AK4: variants seen among roughly 807,000 people sequenced by gnomAD.
The protein encoded by AK4 is adenylate kinase 4.
A neutral mutation model predicts 24.6 loss-of-function variants in AK4; 13 were observed. That is an observed-to-expected ratio of 0.53 (90% CI 0.34 to 0.84). AK4 has a LOEUF of 0.84. Among genes scored for constraint, AK4 ranks in the 40% least tolerant of loss-of-function variants. AK4 has a pLI of 0.01. For synonymous variants in AK4, 88 were observed against 107.0 expected, an observed-to-expected ratio of 0.82 and a Z score of 1.10; for missense variants, 192 against 288.2, an observed-to-expected ratio of 0.67 and a Z score of 2.42.
chr1:65,223,307 G>A (rs1385920071), intron 3 of AK4, among the ~76,000 whole-genome samples: 3 of 152,002 alleles, frequency 2.0e-5, no homozygotes, highest in African/African-American at 7.2e-5. Flanking sequence ...TCCTGCCTCA[G>A]ACTCTCGAGT....
intron 1 of AK4, among the ~76,000 whole-genome samples, chr1:65,161,224 G>A (rs1483428228): frequency 6.6e-6 from 1 of 152,110 alleles, no homozygotes; most frequent in East Asian, 1.9e-4. Flanking sequence ...CATCATAATG[G>A]TAAGAGTTCA....
intron 1 of AK4, among the ~76,000 whole-genome samples, chr1:65,166,310 CTGTGTGTGTGTGTGTGTGTGTG>C (rs34870729): frequency 7.0e-6 from 1 of 143,008 alleles, no homozygotes; most frequent in Non-Finnish European, 1.5e-5. Flanking sequence ...GGGATTTAAG[CTGTGTGTGTGTGTGTGTGTGTG>C]TGTGTGTGTG....
chr1:65,210,723 T>A (rs1203172556), intron 2 of AK4, among the ~76,000 whole-genome samples: 1 of 152,210 alleles, frequency 6.6e-6, no homozygotes, highest in Non-Finnish European at 1.5e-5. Context: ...ACCTGCTGTT[T>A]GTCTTTTTAC....
Position 65,228,833 on chromosome 1 carries a change from A to G in AK4, c.*2656A>G, listed in dbSNP as rs896769784. The G allele has an allele frequency of 3.3e-5, 5 of 151,804 alleles. No individual in the cohort carries two copies. Among genetic ancestry groups the G allele is most frequent in the Non-Finnish European group, 5.9e-5 (4 of 67,974 alleles). The allele number at this position is 151,804 out of a possible 1,614,324, so 9.4% of individuals were successfully genotyped here. The stretch of plus-strand genomic sequence containing the variant: ...GACCTCGCATTCTGTCATTCTACCC[A>G]GCTCTTAATTCAATTTGCTTCCATT... On this transcript the variant is annotated 3_prime_UTR_variant, in exon 5 of 5. Coordinates refer to ENST00000327299, the MANE Select transcript of AK4 (RefSeq NM_013410.4).
chr1:65,176,439 C>G (rs72677685), intron 1 of AK4, among the ~76,000 whole-genome samples: 6,095 of 152,262 alleles, frequency 0.04, 178 homozygotes, highest in Non-Finnish European at 0.056. Flanking sequence ...AGAAAGAACA[C>G]TAAATGATGA....
intron 1 of AK4, among the ~76,000 whole-genome samples, chr1:65,160,623 C>G (rs545121118): frequency 1.1e-3 from 163 of 152,124 alleles, no homozygotes; most frequent in African/African-American, 3.9e-3. Context: ...GAGATGAGGT[C>G]TTGCTCTGTT....
At chr1:65,197,274 C>T (rs1651501990) in intron 2 of AK4, among the ~76,000 whole-genome samples, 1 of 152,088 alleles carries the variant, frequency 6.6e-6, no homozygotes, top group East Asian at 1.9e-4. Context: ...TAGAAGTTCC[C>T]CAAATCGGTT....
intron 1 of AK4, among the ~76,000 whole-genome samples, chr1:65,180,848 A>G (rs1392752360): frequency 6.6e-6 from 1 of 152,060 alleles, no homozygotes; most frequent in Non-Finnish European, 1.5e-5. Flanking sequence ...ATTATTAGTG[A>G]TGTTTTGGCG....
intron 3 of AK4, among the ~76,000 whole-genome samples, chr1:65,221,985 C>CAGAAG (rs997234701): frequency 5.3e-5 from 8 of 152,074 alleles, no homozygotes; most frequent in African/African-American, 1.2e-4. Flanking sequence ...GTTTAATAGG[C>CAGAAG]AGAAGAGAAG....
chr1:65,176,802 G>A (rs1650731150), intron 1 of AK4, among the ~76,000 whole-genome samples: 1 of 152,132 alleles, frequency 6.6e-6, no homozygotes, highest in African/African-American at 2.4e-5. Flanking sequence ...ACAAAGAGCT[G>A]GGACTCCTGA....
At chr1:65,164,454 A>G (rs1296619072) in intron 1 of AK4, among the ~76,000 whole-genome samples, 2 of 151,954 alleles carry the variant, frequency 1.3e-5, no homozygotes, top group Non-Finnish European at 2.9e-5. Context: ...AATTTTAGCT[A>G]CCCTATTGAG....
intron 3 of AK4, among the ~76,000 whole-genome samples, chr1:65,220,567 C>T (rs1469637968): frequency 5.3e-5 from 8 of 152,176 alleles, no homozygotes; most frequent in Admixed American, 5.2e-4. Flanking sequence ...CGTCCGCCTC[C>T]TGGGTTCAAG....
chr1:65,205,793 G>A (rs199985409), intron 2 of AK4, among the ~76,000 whole-genome samples: 3 of 151,824 alleles, frequency 2.0e-5, no homozygotes, highest in Non-Finnish European at 4.4e-5. Context: ...ACTATTTTTT[G>A]TCTTTATACT....
At chr1:65,179,586 C>A (rs1181825929) in intron 1 of AK4, among the ~76,000 whole-genome samples, 2 of 152,254 alleles carry the variant, frequency 1.3e-5, no homozygotes, top group East Asian at 3.9e-4. Flanking sequence ...TGCCTGTAAT[C>A]CCGGCACTTT....
At chr1:65,189,743 T>G (rs911197986) in intron 1 of AK4, among the ~76,000 whole-genome samples, 3 of 152,182 alleles carry the variant, frequency 2.0e-5, no homozygotes, top group Non-Finnish European at 4.4e-5. Flanking sequence ...TGAACCTAAC[T>G]CACAATTTCT....
Position 65,204,938 on chromosome 1 carries a change from T to A in AK4, c.266-13816T>A, listed in dbSNP as rs531537228. On this transcript the variant is annotated intron_variant, in intron 2 of 4. Coordinates refer to ENST00000327299, the MANE Select transcript of AK4 (RefSeq NM_013410.4). ...CTTGGTTATATCTCTGTGAATATACTAGAAATCATTGAAATGTACACTTTA... is the reference window on the plus strand; with the variant it reads ...CTTGGTTATATCTCTGTGAATATACAAGAAATCATTGAAATGTACACTTTA... Among the ~76,000 whole-genome samples the A allele has an allele frequency of 1.4e-3, 220 of 152,352 alleles. 2 individuals carry two copies. The highest frequency in any genetic ancestry group is 5.4e-3 in the Admixed American group (82 of 15,300).
At chr1:65,168,126 G>A (rs1164010029) in intron 1 of AK4, among the ~76,000 whole-genome samples, 1 of 147,992 alleles carries the variant, frequency 6.8e-6, no homozygotes, top group Non-Finnish European at 1.5e-5. Context: ...TGTAGCTTTA[G>A]TAGGTTACTC....
At chr1:65,190,449 T>TTG (rs1319458971) in intron 1 of AK4, among the ~76,000 whole-genome samples, 6 of 52,646 alleles carry the variant, frequency 1.1e-4, no homozygotes, top group African/African-American at 2.3e-4. Context: ...TTCCTTTTTT[T>TTG]GGGGGGGGGG....
chr1:65,152,375 TA>T (rs1649816337), intron 1 of AK4, among the ~76,000 whole-genome samples: 1 of 87,242 alleles, frequency 1.1e-5, no homozygotes, highest in Non-Finnish European at 2.5e-5. Context: ...TATATATATA[TA>T]TATATATATT....
Sources: allele counts gnomAD v4.1 joint callset (sites outside exome capture counted in the v4.1 genomes callset), GRCh38; gene constraint gnomAD v4.1.1; transcripts MANE v1.5; gene names NCBI Gene and HGNC (gene_info 2026-07-23, HGNC 2026-07-21).